FGGY: variants seen among roughly 807,000 people sequenced by gnomAD.
FGGY encodes the protein FGGY carbohydrate kinase domain containing.
Under a neutral mutation model 71.3 loss-of-function variants are expected in FGGY, and 72 were observed. The ratio of observed to expected loss-of-function variants is 1.01; its 90% CI spans 0.84 to 1.23. The LOEUF (loss-of-function observed/expected upper bound fraction) is 1.23, where lower values mean the gene tolerates loss of function less well. Among genes scored for constraint, FGGY ranks in the 50% most tolerant of loss-of-function variants. The pLI, the probability that FGGY is intolerant of heterozygous loss-of-function variation, is 0.00. For synonymous variants in FGGY, 251 were observed against 250.3 expected (o/e 1.00, Z -0.02); for missense variants, 668 against 682.3 (o/e 0.98, Z 0.23).
intron 9 of FGGY, among the ~76,000 whole-genome samples, chr1:59,616,135 G>A (rs564508595): frequency 0.022 from 3,334 of 152,170 alleles, 63 homozygotes; most frequent in Non-Finnish European, 0.034. Flanking sequence ...CCCATTACTG[G>A]GTATATACCC....
intron 8 of FGGY, among the ~76,000 whole-genome samples, chr1:59,571,676 A>AT (rs1195252336): frequency 6.6e-6 from 1 of 152,170 alleles, no homozygotes; most frequent in Non-Finnish European, 1.5e-5. Flanking sequence ...ATTTTTTATA[A>AT]TAGCTACAAA....
intron 14 of FGGY, among the ~76,000 whole-genome samples, chr1:59,752,869 C>T (rs1368956325): frequency 3.3e-5 from 5 of 152,120 alleles, no homozygotes; most frequent in African/African-American, 1.2e-4. Flanking sequence ...CCTATTTTTT[C>T]CTCCAGAAAC....
intron 8 of FGGY, among the ~76,000 whole-genome samples, chr1:59,565,788 G>T (rs2095864720): frequency 6.6e-6 from 1 of 152,216 alleles, no homozygotes; most frequent in South Asian, 2.1e-4. Context: ...ATCACAGCTA[G>T]ACCGCAGTGC....
chr1:59,636,643 T>TA (rs1338612171), intron 10 of FGGY, among the ~76,000 whole-genome samples: 1 of 151,482 alleles, frequency 6.6e-6, no homozygotes, highest in African/African-American at 2.4e-5. Context: ...TAAAATAAAA[T>TA]AAAAAATAAG....
chr1:59,361,411 T>C (rs2055491836), intron 4 of FGGY, among the ~76,000 whole-genome samples: 1 of 151,860 alleles, frequency 6.6e-6, no homozygotes, highest in Non-Finnish European at 1.5e-5. Context: ...GGGGAGGTAA[T>C]ATGTAGGTTG....
chr1:59,394,042 C>G (rs2061021099), intron 5 of FGGY, among the ~76,000 whole-genome samples: 1 of 152,184 alleles, frequency 6.6e-6, no homozygotes, highest in Non-Finnish European at 1.5e-5. Context: ...TGCGTAGTGT[C>G]TCTTACAAAG....
At chr1:59,668,553 A>T (rs2097346085) in intron 13 of FGGY, among the ~76,000 whole-genome samples, 1 of 152,180 alleles carries the variant, frequency 6.6e-6, no homozygotes, top group African/African-American at 2.4e-5. Flanking sequence ...AGCCACACAG[A>T]TTCCTGCAGA....
chr1:59,506,746 C>G (rs375891239), intron 6 of FGGY, among the ~76,000 whole-genome samples: 32 of 152,090 alleles, frequency 2.1e-4, no homozygotes, highest in African/African-American at 7.7e-4. Flanking sequence ...TTGTAGTGAG[C>G]TGAGATTGTG....
chr1:59,362,541 A>T (rs990445410), intron 4 of FGGY, among the ~76,000 whole-genome samples: 1 of 152,160 alleles, frequency 6.6e-6, no homozygotes, highest in Non-Finnish European at 1.5e-5. Flanking sequence ...TTCCTTCTCC[A>T]TGGCCATGGA....
intron 6 of FGGY, among the ~76,000 whole-genome samples, chr1:59,508,122 G>A (rs940480854): frequency 6.6e-6 from 1 of 152,192 alleles, no homozygotes; most frequent in Admixed American, 6.5e-5. Context: ...ACACAGGCTT[G>A]AAAGTCATCT....
At chr1:59,420,526 C>A (rs987504210) in intron 5 of FGGY, among the ~76,000 whole-genome samples, 1 of 152,118 alleles carries the variant, frequency 6.6e-6, no homozygotes, top group African/African-American at 2.4e-5. Context: ...TGATGAGAGG[C>A]ATGAGGAAAC....
intron 5 of FGGY, among the ~76,000 whole-genome samples, chr1:59,391,451 C>T (rs567335219): frequency 6.6e-6 from 1 of 152,312 alleles, no homozygotes; most frequent in Non-Finnish European, 1.5e-5. Flanking sequence ...CACTTGTACT[C>T]ACTTGTTACA....
intron 7 of FGGY, among the ~76,000 whole-genome samples, chr1:59,551,986 A>T (rs2095615249): frequency 6.6e-6 from 1 of 152,172 alleles, no homozygotes; most frequent in Non-Finnish European, 1.5e-5. Flanking sequence ...AATACCCAAA[A>T]ATGGCGATCC....
At chr1:59,412,632 C>A (rs1296640017) in intron 5 of FGGY, among the ~76,000 whole-genome samples, 2 of 152,130 alleles carry the variant, frequency 1.3e-5, no homozygotes, top group East Asian at 3.9e-4. Context: ...CATTTTCATT[C>A]ATTTATTCCA....
intron 14 of FGGY, among the ~76,000 whole-genome samples, chr1:59,702,569 G>C (rs529216829): frequency 1.3e-5 from 2 of 152,286 alleles, no homozygotes; most frequent in South Asian, 4.1e-4. Context: ...AAATGTCAAG[G>C]GTGTTCATAG....
chr1:59,507,356 G>A (rs1254434620), intron 6 of FGGY, among the ~76,000 whole-genome samples: 1 of 152,156 alleles, frequency 6.6e-6, no homozygotes, highest in Non-Finnish European at 1.5e-5. Flanking sequence ...AAACCTTTAG[G>A]CTGAAGTTAC....
intron 9 of FGGY, among the ~76,000 whole-genome samples, chr1:59,625,657 G>A (rs926556478): frequency 6.6e-6 from 1 of 151,984 alleles, no homozygotes; most frequent in South Asian, 2.1e-4. Flanking sequence ...TTAACACTCA[G>A]ACCCCCCCCA....
chr1:59,479,865 G>A (rs548878721), intron 6 of FGGY, among the ~76,000 whole-genome samples: 2 of 152,144 alleles, frequency 1.3e-5, no homozygotes, highest in African/African-American at 4.8e-5. Context: ...TAAGCACACA[G>A]GAAAGGGTTG....
At chr1:59,609,995 T>C (rs1316120747) in intron 9 of FGGY, among the ~76,000 whole-genome samples, 3 of 152,352 alleles carry the variant, frequency 2.0e-5, no homozygotes, top group African/African-American at 7.2e-5. Context: ...GAAGACATCA[T>C]CTATGGCTAC....
Sources: allele counts gnomAD v4.1 joint callset (sites outside exome capture counted in the v4.1 genomes callset), GRCh38; gene constraint gnomAD v4.1.1; transcripts MANE v1.5; gene names NCBI Gene and HGNC (gene_info 2026-07-23, HGNC 2026-07-21).